The following HERC6 variants were observed in gnomAD, a reference collection of about 807,000 sequenced individuals.
HERC6 encodes the protein HECT and RLD domain containing E3 ubiquitin protein ligase family member 6.
A neutral mutation model predicts 114.5 loss-of-function variants in HERC6; 101 were observed. The observed-to-expected ratio is 0.88, with a 90% CI of 0.75 to 1.04. The LOEUF (loss-of-function observed/expected upper bound fraction) is 1.04, where lower values mean the gene tolerates loss of function less well. Among genes scored for constraint, HERC6 ranks in the 50% least tolerant of loss-of-function variants. The probability of loss-of-function intolerance (pLI) is 0.00; values close to 1 mark genes in which losing one functional copy is unlikely to be tolerated. For synonymous variants in HERC6, 408 were observed against 436.2 expected (o/e 0.94, Z 0.81); for missense variants, 1,133 against 1,230.9 (o/e 0.92, Z 1.19).
intron 13 of HERC6, among the ~76,000 whole-genome samples, chr4:88,419,388 A>G (rs559934484): frequency 1.3e-5 from 2 of 152,326 alleles, no homozygotes; most frequent in African/African-American, 2.4e-5. Flanking sequence ...AAGAGAAATC[A>G]GACTGGACTC....
intron 1 of HERC6, among the ~76,000 whole-genome samples, chr4:88,381,363 C>G (rs1024008469): frequency 6.6e-6 from 1 of 152,058 alleles, no homozygotes; most frequent in African/African-American, 2.4e-5. Context: ...AACTCAAGTG[C>G]TTCGACTTAG....
chr4:88,414,493 CTATAAAGTGAAAG>C (rs879508776), intron 12 of HERC6, among the ~76,000 whole-genome samples: 2 of 151,982 alleles, frequency 1.3e-5, no homozygotes, highest in Non-Finnish European at 2.9e-5. Flanking sequence ...CAGGGAGCGT[CTATAAAGTGAAAG>C]TAAGTTTACT....
rs1453564019 is a variant in HERC6, at chr4:88,379,097, G to A, written c.176G>A (p.Gly59Asp). 1.9e-6 allele frequency: 3 copies of A among 1,544,326 alleles called. No individual in the cohort carries two copies. Among genetic ancestry groups the A allele is most frequent in the Non-Finnish European group, 2.6e-6 (3 of 1,146,392 alleles). The change falls in exon 1 of 23, where the codon GGC becomes GAC. Residue 59 changes from glycine to aspartate, a missense_variant. By Grantham distance (94) the Gly-to-Asp change is moderately conservative (BLOSUM62 -1). This residue lies in a region of HERC6 where 735 missense variants were observed against 754.0 expected (regional missense o/e 0.97). Coordinates refer to ENST00000264346, the MANE Select transcript of HERC6 (RefSeq NM_017912.4). ...AGCAGGGGTCAGCTGGGCCGCAGGG[G>A]CGCGCAGCGCGGGGAGCTGCCAGGT... is the stretch of plus-strand genomic sequence containing the variant. ...DNSRGQLGRR[G>D]AQRGELPEPI...
At chr4:88,410,689 A>AG (rs1736051267) in intron 11 of HERC6, among the ~76,000 whole-genome samples, 1 of 152,170 alleles carries the variant, frequency 6.6e-6, no homozygotes, top group Non-Finnish European at 1.5e-5. Context: ...GAGGAAAAAA[A>AG]CAAGTTTTGT....
intron 3 of HERC6, among the ~76,000 whole-genome samples, chr4:88,389,817 T>C (rs1196568997): frequency 6.6e-6 from 1 of 152,148 alleles, no homozygotes; most frequent in African/African-American, 2.4e-5. Flanking sequence ...GACATCATGC[T>C]AAGTGAAATA....
chr4:88,409,566 G>A (rs1373885670), intron 11 of HERC6, among the ~76,000 whole-genome samples: 1 of 152,142 alleles, frequency 6.6e-6, no homozygotes, highest in Admixed American at 6.5e-5. Flanking sequence ...CTCGAGAGGT[G>A]GATAATCTCT....
At chr4:88,437,276 C>CT (rs761469805) in intron 19 of HERC6, among the ~76,000 whole-genome samples, 9 of 152,028 alleles carry the variant, frequency 5.9e-5, no homozygotes, top group Admixed American at 4.6e-4. Context: ...AGGCTGGTCT[C>CT]TAACTCCTGG....
chr4:88,424,738 A>C, intron 15 of HERC6, 36 bp downstream of exon 15: 5 of 1,248,470 alleles, frequency 4.0e-6, no homozygotes, highest in Non-Finnish European at 5.7e-6. Flanking sequence ...GAAAAATTTC[A>C]AACATATATA....
intron 8 of HERC6, among the ~76,000 whole-genome samples, chr4:88,401,424 G>A (rs990767309): frequency 6.7e-6 from 1 of 149,942 alleles, no homozygotes; most frequent in Non-Finnish European, 1.5e-5. Flanking sequence ...CCTGGGAGGC[G>A]AAGGTTGCAG....
rs377246300 is a variant in HERC6 at position 88,396,017 on chromosome 4, C to T, written c.762C>T (p.Asp254=). 1.2e-4 allele frequency: 183 copies of T among 1,588,266 alleles called. No individual in the cohort carries two copies. Among genetic ancestry groups the T allele is most frequent in the African/African-American group, 1.8e-4 (13 of 73,494 alleles). The part of the protein sequence containing the change: ...GDAHTAVLTQ[D]GKVFTFGDNR... ...TTGATTCTTCCTTTGCTAAGCAGGA[C>T]GGGAAAGTGTTCACATTTGGAGACA... The change falls in exon 6 of 23, where the codon GAC becomes GAT. Residue 254 remains aspartate, a splice_region_variant and synonymous_variant. Transcript: ENST00000264346.
rs1440240827 is a variant in HERC6 at position 88,434,775 on chromosome 4, A to AG, written c.2251-950_2251-949insG. 3.3e-5 allele frequency among the ~76,000 whole-genome samples: 5 copies of AG among 151,824 alleles called. No homozygotes were observed. In the East Asian group the frequency reaches 9.6e-4, roughly 29 times the overall value. On this transcript the variant is annotated intron_variant, in intron 17 of 22. Coordinates refer to ENST00000264346, the MANE Select transcript of HERC6 (RefSeq NM_017912.4). ...GATAAAAAACAGAGACAAAAAAAAAAAAAAACCAAAACAAAACACCCTGAT... is the reference window on the plus strand; with the variant it reads ...GATAAAAAACAGAGACAAAAAAAAAAGAAAAACCAAAACAAAACACCCTGAT...
At chr4:88,424,550 C>A in intron 14 of HERC6, 45 bp from the exon 15 acceptor site, 1 of 1,403,486 alleles carries the variant, frequency 7.1e-7, no homozygotes, top group South Asian at 1.2e-5. Flanking sequence ...AGTTTTTTTT[C>A]ATTGTTTTTA....
At chr4:88,387,673 T>C (rs78017226) in intron 3 of HERC6, among the ~76,000 whole-genome samples, 3,539 of 152,326 alleles carry the variant, frequency 0.023, 122 homozygotes, top group African/African-American at 0.08. Context: ...GTTATTTAAC[T>C]TGGCTGAGTC....
At position 88,383,385 on chromosome 4, in the gene HERC6, G is replaced by A; in HGVS notation, c.359+5G>A. 1 of 1,483,020 alleles carries A rather than the reference G, an allele frequency of 6.7e-7. No individual in the cohort carries two copies. The highest frequency in any genetic ancestry group is 8.9e-7 in the Non-Finnish European group (1 of 1,117,770). The allele number at this position is 1,483,020 out of a possible 1,614,324, so 91.9% of individuals were successfully genotyped here. On this transcript the variant is annotated splice_donor_5th_base_variant and intron_variant, in intron 2 of 22. Coordinates refer to ENST00000264346, the MANE Select transcript of HERC6 (RefSeq NM_017912.4). ...GGAAATAAGTTTCACACCTAAGTAA[G>A]TGTTTCAACCCACTCCTTCATTTAT... is the stretch of plus-strand genomic sequence containing the variant.
At chr4:88,428,404 C>T (rs1737844856) in intron 15 of HERC6, among the ~76,000 whole-genome samples, 176 bp from the exon 16 acceptor site, 1 of 152,196 alleles carries the variant, frequency 6.6e-6, no homozygotes, top group African/African-American at 2.4e-5. Context: ...ACAATCACTC[C>T]ACCTTCCATA....
intron 12 of HERC6, among the ~76,000 whole-genome samples, chr4:88,413,862 GA>G (rs1472853373): frequency 6.6e-6 from 1 of 152,144 alleles, no homozygotes; most frequent in Non-Finnish European, 1.5e-5. Context: ...AGTGACCCAG[GA>G]AACAGAAATT....
intron 15 of HERC6, among the ~76,000 whole-genome samples, chr4:88,426,076 G>A (rs1242093992): frequency 2.0e-5 from 3 of 152,036 alleles, no homozygotes; most frequent in Admixed American, 6.6e-5. Context: ...ATAAATCCAC[G>A]AATTCCAGGT....
intron 17 of HERC6, among the ~76,000 whole-genome samples, chr4:88,434,026 G>A (rs1025396109): frequency 6.6e-6 from 1 of 152,170 alleles, no homozygotes; most frequent in African/African-American, 2.4e-5. Context: ...AATATTGTGG[G>A]ATATTCAAAT....
chr4:88,431,441 G>A lies in HERC6; in HGVS notation c.2250+136G>A, dbSNP rs1413376240. 9 of 1,011,614 alleles carry A rather than the reference G, an allele frequency of 8.9e-6. No individual in the cohort carries two copies. The Admixed American group carries it at 1.0e-4, about 12-fold the overall frequency. 62.7% of individuals were successfully genotyped at this position (1,011,614 alleles called of 1,614,324 possible). The stretch of plus-strand genomic sequence containing the variant: ...CTCATATTTTGAGTAGTACTCGTAT[G>A]GTTCACAGAGCAGCAGCTATGGCGT... On this transcript the variant is annotated intron_variant, in intron 17 of 22. Coordinates refer to ENST00000264346, the MANE Select transcript of HERC6 (RefSeq NM_017912.4).
Sources: gnomAD v4.1 joint callset for allele counts (sites outside exome capture counted in the v4.1 genomes callset) on GRCh38, gnomAD v4.1.1 for gene constraint, gnomAD v4.1.1 regional missense constraint, MANE v1.5 for transcripts, NCBI Gene and HGNC (gene_info 2026-07-23, HGNC 2026-07-21) for gene names.